PRKN: variants seen among roughly 807,000 people sequenced by gnomAD.
PRKN encodes the protein parkin RBR E3 ubiquitin protein ligase.
In PRKN, 56 loss-of-function variants were observed where a neutral mutation model predicts 59.5. The ratio of observed to expected loss-of-function variants is 0.94; its 90% CI spans 0.76 to 1.18. PRKN has a LOEUF of 1.18. Among genes scored for constraint, PRKN ranks in the 50% most tolerant of loss-of-function variants. The probability of loss-of-function intolerance (pLI) is 0.00; values close to 1 mark genes in which losing one functional copy is unlikely to be tolerated. For synonymous variants in PRKN, 250 were observed against 222.1 expected, an observed-to-expected ratio of 1.13 and a Z score of -1.12; for missense variants, 657 against 596.4, an observed-to-expected ratio of 1.10 and a Z score of -1.06.
intron 6 of PRKN, among the ~76,000 whole-genome samples, chr6:161,799,046 A>C (rs1790971743): frequency 6.6e-6 from 1 of 152,182 alleles, no homozygotes; most frequent in African/African-American, 2.4e-5. Context: ...TTGCCAATAA[A>C]GTTTTATTGG....
intron 1 of PRKN, among the ~76,000 whole-genome samples, chr6:162,453,649 T>A (rs1344151220): frequency 2.6e-5 from 4 of 152,134 alleles, no homozygotes; most frequent in Non-Finnish European, 5.9e-5. Context: ...ACACCTGTAA[T>A]CCCAGAAGTT....
At chr6:162,525,567 C>G (rs549629567) in intron 1 of PRKN, among the ~76,000 whole-genome samples, 1 of 152,314 alleles carries the variant, frequency 6.6e-6, no homozygotes, top group East Asian at 1.9e-4. Context: ...CCCATTCTGC[C>G]TTACATTTCT....
intron 9 of PRKN, among the ~76,000 whole-genome samples, chr6:161,450,089 C>T (rs1406383889): frequency 6.6e-6 from 1 of 152,190 alleles, no homozygotes; most frequent in Admixed American, 6.5e-5. Flanking sequence ...TGAAAATAAA[C>T]AAACTGTTGA....
At chr6:162,161,996 CAA>C (rs879798954) in intron 4 of PRKN, among the ~76,000 whole-genome samples, 13 of 151,948 alleles carry the variant, frequency 8.6e-5, no homozygotes, top group Non-Finnish European at 1.5e-4. Flanking sequence ...CAGATTCAAC[CAA>C]AAGAAACAAA....
In PRKN at chr6:161,518,763, T is replaced by A. The variant is rs1201325607; in HGVS notation, c.1083+30091A>T. On this transcript the variant is annotated intron_variant, in intron 9 of 11. Coordinates refer to ENST00000366898, the MANE Select transcript of PRKN (RefSeq NM_004562.3). This position sits in a 1 kb window ranked among gnomAD's most constrained non-coding sequence, Gnocchi z 5.0. The stretch of plus-strand genomic sequence containing the variant: ...GTGTGCCTTGATACTTGGCTATGCA[T>A]CCCATCCACCTCTAGCAGCCCCTGG... 6.6e-6 allele frequency among the ~76,000 whole-genome samples: 1 copy of A among 152,084 alleles called. No individual in the cohort carries two copies. The highest frequency in any genetic ancestry group is 1.5e-5 in the Non-Finnish European group (1 of 68,026).
At chr6:162,293,144 A>T (rs1012758495) in intron 2 of PRKN, among the ~76,000 whole-genome samples, 11 of 152,204 alleles carry the variant, frequency 7.2e-5, no homozygotes, top group Non-Finnish European at 1.5e-4. Flanking sequence ...AAGAAAATTG[A>T]TTCCACAACA....
chr6:162,515,084 C>CTTT (rs11394289), intron 1 of PRKN, among the ~76,000 whole-genome samples: 1 of 140,374 alleles, frequency 7.1e-6, no homozygotes, highest in South Asian at 2.2e-4. Flanking sequence ...ACTATTTTTA[C>CTTT]TTTTTTTTTT....
intron 6 of PRKN, among the ~76,000 whole-genome samples, chr6:161,917,440 T>C (rs1778612036): frequency 6.6e-6 from 1 of 152,156 alleles, no homozygotes; most frequent in Non-Finnish European, 1.5e-5. Flanking sequence ...TTCTGCCATA[T>C]ATTTTGGATT....
intron 1 of PRKN, among the ~76,000 whole-genome samples, chr6:162,537,852 G>C (rs898496075): frequency 1.3e-4 from 20 of 152,128 alleles, no homozygotes; most frequent in African/African-American, 4.8e-4. Flanking sequence ...TTTATAGGAA[G>C]ACTTGTGTTG....
In PRKN at chr6:161,401,074, A is replaced by G. The variant is rs932006170; in HGVS notation, c.1084-14197T>C. On this transcript the variant is annotated intron_variant, in intron 9 of 11. Transcript: ENST00000366898. This position sits in a 1 kb window ranked among gnomAD's most constrained non-coding sequence, Gnocchi z 4.4. ...GAGCTTAATAAACACGAAGTCATAGAAATCCACCATTCACGTAAGTTTTGG... is the reference window on the plus strand; with the variant it reads ...GAGCTTAATAAACACGAAGTCATAGGAATCCACCATTCACGTAAGTTTTGG... Among the ~76,000 whole-genome samples, 1 of 152,088 alleles carries G rather than the reference A, an allele frequency of 6.6e-6. No homozygotes were observed. Among genetic ancestry groups the G allele is most frequent in the Non-Finnish European group, 1.5e-5 (1 of 67,972 alleles).
chr6:162,716,655 G>A (rs1265177189), intron 1 of PRKN, among the ~76,000 whole-genome samples: 4 of 152,264 alleles, frequency 2.6e-5, no homozygotes, highest in East Asian at 3.9e-4. Context: ...TGGGAGTCCA[G>A]GAGAATATTC....
intron 2 of PRKN, among the ~76,000 whole-genome samples, chr6:162,339,567 G>A (rs1247137584): frequency 4.0e-5 from 6 of 149,028 alleles, no homozygotes; most frequent in South Asian, 2.1e-4. Context: ...GGTGAGGGGC[G>A]CCTCTGCCCG....
chr6:161,669,435 G>A (rs1784832793), intron 7 of PRKN, among the ~76,000 whole-genome samples: 1 of 152,158 alleles, frequency 6.6e-6, no homozygotes, highest in South Asian at 2.1e-4. Context: ...AGCAATGTTT[G>A]GCTGGGCTTG....
At chr6:162,375,371 G>A (rs373803248) in intron 2 of PRKN, among the ~76,000 whole-genome samples, 7 of 151,020 alleles carry the variant, frequency 4.6e-5, no homozygotes, top group South Asian at 4.2e-4. Flanking sequence ...GGTGGGGAGC[G>A]GGTAAGAAGA....
At chr6:162,535,016 C>T (rs985984772) in intron 1 of PRKN, among the ~76,000 whole-genome samples, 9 of 152,060 alleles carry the variant, frequency 5.9e-5, no homozygotes, top group African/African-American at 2.2e-4. Flanking sequence ...ATCCCCAGTC[C>T]TCTTCCATCC....
chr6:161,920,483 A>G (rs1282878315), intron 6 of PRKN, among the ~76,000 whole-genome samples: 1 of 152,024 alleles, frequency 6.6e-6, no homozygotes, highest in Non-Finnish European at 1.5e-5. Context: ...AATACAGTAT[A>G]AAAGATAAAA....
intron 11 of PRKN, among the ~76,000 whole-genome samples, chr6:161,351,360 TGTC>T (rs1322247039): frequency 1.3e-5 from 2 of 151,462 alleles, no homozygotes; most frequent in Non-Finnish European, 2.9e-5. Context: ...GTTTTGCTCT[TGTC>T]GTCCAGGCTG....
intron 1 of PRKN, among the ~76,000 whole-genome samples, chr6:162,554,258 C>T (rs1405172940): frequency 6.6e-6 from 1 of 152,102 alleles, no homozygotes. Flanking sequence ...AATCCCAGCA[C>T]TTTGGGAGGC....
chr6:161,733,745 G>A (rs1401944981), intron 7 of PRKN, among the ~76,000 whole-genome samples: 1 of 131,204 alleles, frequency 7.6e-6, no homozygotes, highest in African/African-American at 2.9e-5. Flanking sequence ...TCCCTGCTTA[G>A]TATTGTTGAA....
Sources: allele counts gnomAD v4.1 joint callset (sites outside exome capture counted in the v4.1 genomes callset), GRCh38; gene constraint gnomAD v4.1.1; non-coding constraint Gnocchi (gnomAD v3.1); transcripts MANE v1.5; gene names NCBI Gene and HGNC (gene_info 2026-07-23, HGNC 2026-07-21).